SLC2A13: variants seen among roughly 807,000 people sequenced by gnomAD.
The protein encoded by SLC2A13 is proton myo-inositol cotransporter.
SLC2A13 carries 32 observed loss-of-function variants against 64.4 expected under a neutral mutation model. The observed-to-expected ratio is 0.50, with a 90% CI of 0.37 to 0.67. The LOEUF (loss-of-function observed/expected upper bound fraction) is 0.67, where lower values mean the gene tolerates loss of function less well. Among genes scored for constraint, SLC2A13 ranks in the 30% least tolerant of loss-of-function variants. The pLI, the probability that SLC2A13 is intolerant of heterozygous loss-of-function variation, is 0.00. For missense variants in SLC2A13, 743 were observed against 829.2 expected (o/e 0.90, Z 1.28); for synonymous variants, 338 against 327.1 (o/e 1.03, Z -0.36).
chr12:39,906,416 C>A (rs1305140965), intron 4 of SLC2A13, among the ~76,000 whole-genome samples: 1 of 152,066 alleles, frequency 6.6e-6, no homozygotes, highest in East Asian at 1.9e-4. Context: ...TACCTACACA[C>A]AATAGATATG....
At chr12:40,016,824 T>C (rs1947629084) in intron 3 of SLC2A13, among the ~76,000 whole-genome samples, 1 of 152,246 alleles carries the variant, frequency 6.6e-6, no homozygotes, top group African/African-American at 2.4e-5. Context: ...ATTGTACTTA[T>C]AAATACTTGA....
chr12:39,795,052 C>T (rs1941529434), intron 7 of SLC2A13, among the ~76,000 whole-genome samples: 1 of 152,050 alleles, frequency 6.6e-6, no homozygotes, highest in African/African-American at 2.4e-5. Flanking sequence ...TTCTTAAAGC[C>T]ATGGGTTCAA....
At chr12:39,855,126 C>T (rs1943573540) in intron 6 of SLC2A13, among the ~76,000 whole-genome samples, 1 of 152,194 alleles carries the variant, frequency 6.6e-6, no homozygotes, top group South Asian at 2.1e-4. Context: ...ATACCATTTA[C>T]ATTCACTATG....
chr12:40,011,374 T>G (rs1451925110), intron 3 of SLC2A13, among the ~76,000 whole-genome samples: 2 of 152,152 alleles, frequency 1.3e-5, no homozygotes, highest in African/African-American at 4.8e-5. Context: ...TGAGAACAAG[T>G]GAGGGTGGAT....
At position 39,843,254 on chromosome 12, in the gene SLC2A13, G is replaced by A. The variant is rs1943222385; in HGVS notation, c.1320-13026C>T. On this transcript the variant is annotated intron_variant, in intron 6 of 9. Coordinates refer to ENST00000280871, the MANE Select transcript of SLC2A13 (RefSeq NM_052885.4). ...ACTTGATCTTTGACCAATGATACTG[G>A]TACAGAATGAGTCAGGTTTTCCAAA... is the stretch of plus-strand genomic sequence containing the variant. 3.3e-5 allele frequency among the ~76,000 whole-genome samples: 5 copies of A among 152,062 alleles called. No homozygotes were observed. In the South Asian group the frequency reaches 1.0e-3, roughly 32 times the overall value.
intron 4 of SLC2A13, among the ~76,000 whole-genome samples, chr12:39,913,689 T>C (rs1592278871): frequency 6.6e-6 from 1 of 152,016 alleles, no homozygotes; most frequent in Admixed American, 6.5e-5. Context: ...AATATATTAA[T>C]AAGATATAAT....
At chr12:39,981,485 A>G (rs1308005577) in intron 3 of SLC2A13, among the ~76,000 whole-genome samples, 9 of 151,116 alleles carry the variant, frequency 6.0e-5, no homozygotes, top group South Asian at 4.2e-4. Context: ...AAAAAATGAT[A>G]AAGGGGATAT....
chr12:39,810,525 G>C (rs946932458), intron 7 of SLC2A13, among the ~76,000 whole-genome samples: 1 of 152,088 alleles, frequency 6.6e-6, no homozygotes, highest in Admixed American at 6.5e-5. Context: ...TCATGTAGTA[G>C]TGTTAAGAGT....
At chr12:39,862,071 T>A (rs1943777061) in intron 6 of SLC2A13, among the ~76,000 whole-genome samples, 1 of 152,146 alleles carries the variant, frequency 6.6e-6, no homozygotes, top group East Asian at 1.9e-4. Context: ...TGTAGTTAGT[T>A]CCCTTCCTTG....
intron 7 of SLC2A13, among the ~76,000 whole-genome samples, chr12:39,807,248 A>T (rs1942008405): frequency 6.6e-6 from 1 of 152,152 alleles, no homozygotes; most frequent in Non-Finnish European, 1.5e-5. Context: ...GACCACCACT[A>T]GGGATCCCTG....
chr12:40,050,021 C>T (rs539431114), intron 1 of SLC2A13, among the ~76,000 whole-genome samples: 1 of 150,908 alleles, frequency 6.6e-6, no homozygotes, highest in Admixed American at 6.5e-5. Flanking sequence ...ATCACCTAAG[C>T]AGCTGAAGTT....
chr12:40,089,579 A>G (rs1938693971), intron 1 of SLC2A13, among the ~76,000 whole-genome samples: 1 of 152,170 alleles, frequency 6.6e-6, no homozygotes, highest in South Asian at 2.1e-4. Flanking sequence ...AGACTTCTTC[A>G]TCTCCTCAAC....
At chr12:39,812,210 G>C (rs1340772652) in intron 7 of SLC2A13, among the ~76,000 whole-genome samples, 2 of 152,046 alleles carry the variant, frequency 1.3e-5, no homozygotes, top group Non-Finnish European at 2.9e-5. Context: ...TGGTAGAATG[G>C]AAGAGGGAAT....
Position 39,758,799 on chromosome 12 carries a change from T to G in SLC2A13, c.*1227A>C, listed in dbSNP as rs1357812121. Reference sequence around the variant, plus strand: ...AGAGACAAATCTATGTATCTTTTTTTTTTCTGGTAAATTCTCAGGAAAATG... The same window carrying G: ...AGAGACAAATCTATGTATCTTTTTTGTTTCTGGTAAATTCTCAGGAAAATG... On this transcript the variant is annotated 3_prime_UTR_variant, in exon 10 of 10. Transcript: ENST00000280871. 1 of 151,876 alleles carries G rather than the reference T, an allele frequency of 6.6e-6. No homozygotes were observed. The highest frequency in any genetic ancestry group is 2.4e-5 in the African/African-American group (1 of 41,378). 9.4% of individuals were successfully genotyped at this position (151,876 alleles called of 1,614,324 possible).
intron 7 of SLC2A13, among the ~76,000 whole-genome samples, chr12:39,826,427 C>A (rs1391388220): frequency 6.6e-6 from 1 of 150,424 alleles, no homozygotes; most frequent in African/African-American, 2.4e-5. Context: ...ATTGTAAAAA[C>A]AGTTATATTT....
chr12:39,809,737 A>G (rs1030115400), intron 7 of SLC2A13, among the ~76,000 whole-genome samples: 12 of 151,856 alleles, frequency 7.9e-5, no homozygotes, highest in Non-Finnish European at 1.2e-4. Flanking sequence ...GTTCCCACCT[A>G]TGAGTGAGAA....
At chr12:39,940,702 TTATAA>T (rs1265130043) in intron 4 of SLC2A13, among the ~76,000 whole-genome samples, 1 of 152,092 alleles carries the variant, frequency 6.6e-6, no homozygotes, top group Non-Finnish European at 1.5e-5. Context: ...ATATATAAAC[TTATAA>T]TATTTTATTT....
chr12:39,995,250 C>T (rs1380234604), intron 3 of SLC2A13, among the ~76,000 whole-genome samples: 1 of 152,158 alleles, frequency 6.6e-6, no homozygotes, highest in Non-Finnish European at 1.5e-5. Flanking sequence ...ATTAGGATAT[C>T]CATCACCTTA....
intron 1 of SLC2A13, chr12:40,068,516 T>C: frequency 4.0e-6 from 1 of 249,366 alleles, no homozygotes; most frequent in Non-Finnish European, 8.3e-6. Flanking sequence ...GGACATACTT[T>C]CCACTTTTCA....
Sources: allele counts gnomAD v4.1 joint callset (sites outside exome capture counted in the v4.1 genomes callset), GRCh38; gene constraint gnomAD v4.1.1; transcripts MANE v1.5; gene names NCBI Gene and HGNC (gene_info 2026-07-23, HGNC 2026-07-21).